CHL1: variants seen among roughly 807,000 people sequenced by gnomAD.
CHL1 encodes the protein cell adhesion molecule L1 like.
Under a neutral mutation model 141.9 loss-of-function variants are expected in CHL1, and 96 were observed. The observed-to-expected ratio is 0.68, with a 90% CI of 0.57 to 0.80. The LOEUF (loss-of-function observed/expected upper bound fraction) is 0.80, where lower values mean the gene tolerates loss of function less well. Among genes scored for constraint, CHL1 ranks in the 30% least tolerant of loss-of-function variants. The pLI is 0.00. For synonymous variants in CHL1, 613 were observed against 502.2 expected, an observed-to-expected ratio of 1.22 and a Z score of -2.95; for missense variants, 1,820 against 1,457.2, an observed-to-expected ratio of 1.25 and a Z score of -4.05.
intron 10 of CHL1, among the ~76,000 whole-genome samples, chr3:352,264 G>C (rs1189749694): frequency 1.3e-5 from 2 of 151,970 alleles, no homozygotes; most frequent in East Asian, 3.8e-4. Flanking sequence ...AACAAGTTTT[G>C]ATTTATTAAA....
At chr3:283,678 A>G (rs187477780) in intron 2 of CHL1, among the ~76,000 whole-genome samples, 2 of 152,190 alleles carry the variant, frequency 1.3e-5, no homozygotes, top group Non-Finnish European at 2.9e-5. Flanking sequence ...GGGCTTGATC[A>G]TTCATTGTGT....
chr3:294,876 T>A (rs1698045257), intron 2 of CHL1, among the ~76,000 whole-genome samples: 1 of 152,238 alleles, frequency 6.6e-6, no homozygotes, highest in Admixed American at 6.5e-5. Context: ...CATTAATTTA[T>A]TCCTTTTATT....
rs1172540504 is a variant in CHL1 at position 342,082 on chromosome 3, T to G, written c.679T>G (p.Leu227Val). Residue 227 changes from leucine to valine, a missense_variant and splice_region_variant, in exon 7 of 28, where the codon TTA becomes GTA. Leu to Val is a conservative substitution (Grantham distance 32). Coordinates refer to ENST00000256509, the MANE Select transcript of CHL1 (RefSeq NM_006614.4). ...KMPMKLTVNS[L>V]KHANDSSSST... ...GCCAATGAAACTAACAGTTAACAGTTGTAAGTCCACATAATTTATCGTTTC... is the reference window on the plus strand; with the variant it reads ...GCCAATGAAACTAACAGTTAACAGTGGTAAGTCCACATAATTTATCGTTTC... 2 of 1,603,548 alleles carry G rather than the reference T, an allele frequency of 1.2e-6. No homozygotes were observed. The highest frequency in any genetic ancestry group is 3.4e-5 in the Admixed American group (2 of 59,626).
intron 2 of CHL1, among the ~76,000 whole-genome samples, chr3:301,134 A>G (rs1208337383): frequency 2.0e-5 from 3 of 152,190 alleles, no homozygotes; most frequent in Non-Finnish European, 2.9e-5. Context: ...CAATACAGAT[A>G]GGAAGTGCTG....
intron 5 of CHL1, among the ~76,000 whole-genome samples, chr3:338,241 T>G (rs1178578693): frequency 2.0e-5 from 3 of 152,212 alleles, no homozygotes; most frequent in Admixed American, 6.5e-5. Context: ...CAAAGTTAAG[T>G]GATTTTTGGT....
Position 389,453 on chromosome 3 carries a change from A to T in CHL1, c.2449A>T (p.Thr817Ser), listed in dbSNP as rs757419929. 1 of 1,614,008 alleles carries T rather than the reference A, an allele frequency of 6.2e-7. No homozygotes were observed. Among genetic ancestry groups the T allele is most frequent in the Non-Finnish European group, 8.5e-7 (1 of 1,179,954 alleles). ...LGSGPDPQSV[T>S]LYSGEDYPDT... The stretch of plus-strand genomic sequence containing the variant: ...ATCTGGGCCTGACCCTCAGTCAGTG[A>T]CTCTCTATTCTGGAGAAGACTGTAA... The change falls in exon 20 of 28, where the codon ACT becomes TCT. Residue 817 changes from threonine to serine, a missense_variant. Physicochemically the swap from Thr to Ser is moderately conservative, Grantham distance 58. Coordinates refer to ENST00000256509, the MANE Select transcript of CHL1 (RefSeq NM_006614.4).
chr3:312,060 T>G (rs1321871606), intron 2 of CHL1, among the ~76,000 whole-genome samples: 5 of 152,196 alleles, frequency 3.3e-5, no homozygotes, highest in Non-Finnish European at 7.4e-5. Context: ...ATACATAAGT[T>G]TTTATATAAC....
chr3:361,071 T>C (rs542641195), intron 12 of CHL1, among the ~76,000 whole-genome samples: 1 of 152,194 alleles, frequency 6.6e-6, no homozygotes, highest in East Asian at 1.9e-4. Context: ...GGTGTCTTTA[T>C]AGCAGCATGA....
At chr3:404,254 G>A (rs1470478982) in intron 27 of CHL1, among the ~76,000 whole-genome samples, 1 of 151,994 alleles carries the variant, frequency 6.6e-6, no homozygotes, top group East Asian at 1.9e-4. Flanking sequence ...ATTCCATGGT[G>A]GCATATAACA....
At chr3:232,959 G>C (rs1278619349) in intron 1 of CHL1, among the ~76,000 whole-genome samples, 3 of 151,282 alleles carry the variant, frequency 2.0e-5, no homozygotes, top group Non-Finnish European at 1.5e-5. Flanking sequence ...TTTAGAGCTG[G>C]ACTCAAACCA....
At chr3:401,536 C>A (rs1709136353) in intron 26 of CHL1, 90 bp from the exon 27 acceptor site, 3 of 740,264 alleles carry the variant, frequency 4.1e-6, no homozygotes, top group African/African-American at 3.6e-5. Context: ...CAATGCTGTT[C>A]TTACTGACTA....
chr3:211,178 A>G (rs1266982089), intron 1 of CHL1, among the ~76,000 whole-genome samples: 2 of 152,212 alleles, frequency 1.3e-5, no homozygotes, highest in East Asian at 1.9e-4. Flanking sequence ...GAGGGAGAGA[A>G]AAGAGCTCCT....
intron 1 of CHL1, among the ~76,000 whole-genome samples, chr3:208,073 C>G (rs950992121): frequency 6.6e-6 from 1 of 152,114 alleles, no homozygotes. Context: ...AAATTGATCT[C>G]CATACACAAG....
At chr3:198,388 T>TTGCGCG (rs967618187) in intron 1 of CHL1, among the ~76,000 whole-genome samples, 1 of 151,870 alleles carries the variant, frequency 6.6e-6, no homozygotes, top group African/African-American at 2.4e-5. Flanking sequence ...GCGGGGAGAT[T>TTGCGCG]TGCGCGTGCG....
chr3:250,012 G>A (rs555910689), intron 2 of CHL1, among the ~76,000 whole-genome samples: 37 of 152,058 alleles, frequency 2.4e-4, no homozygotes, highest in Non-Finnish European at 4.4e-4. Flanking sequence ...TGTCACCCAG[G>A]TTGGAATGTA....
chr3:399,511 CT>C (rs1450275230), intron 26 of CHL1, among the ~76,000 whole-genome samples: 1 of 151,932 alleles, frequency 6.6e-6, no homozygotes, highest in Non-Finnish European at 1.5e-5. Flanking sequence ...ATGGTGGCAG[CT>C]GCCTGTAATC....
At chr3:385,079 G>C (rs971117704) in intron 19 of CHL1, among the ~76,000 whole-genome samples, 1 of 152,122 alleles carries the variant, frequency 6.6e-6, no homozygotes, top group African/African-American at 2.4e-5. Flanking sequence ...TGTGGTTATA[G>C]TTACTACTAC....
At position 391,763 on chromosome 3, in the gene CHL1, A is replaced by C; in HGVS notation, c.2880A>C (p.Gly960=). 1 of 1,599,514 alleles carries C rather than the reference A, an allele frequency of 6.3e-7. No homozygotes were observed. The highest frequency in any genetic ancestry group is 1.1e-5 in the South Asian group (1 of 88,598). Residue 960 remains glycine (G), a synonymous_variant, in exon 23 of 28, where the codon GGA becomes GGC. Coordinates refer to ENST00000256509, the MANE Select transcript of CHL1 (RefSeq NM_006614.4). Reference sequence around the variant, plus strand: ...GGGGACTACCTAAGAAATTAAATGGAAACTTAACTGGCTATCTTTTGCAAT... The same window carrying C: ...GGGGACTACCTAAGAAATTAAATGGCAACTTAACTGGCTATCTTTTGCAAT... ...LSWGLPKKLN[G]NLTGYLLQYQ...
intron 1 of CHL1, among the ~76,000 whole-genome samples, chr3:221,165 T>A (rs1270175564): frequency 2.0e-5 from 3 of 152,220 alleles, no homozygotes; most frequent in Admixed American, 6.5e-5. Flanking sequence ...ATTGATGTCT[T>A]ATTTCTCCTT....
Sources: gnomAD v4.1 joint callset for allele counts (sites outside exome capture counted in the v4.1 genomes callset) on GRCh38, gnomAD v4.1.1 for gene constraint, MANE v1.5 for transcripts, NCBI Gene and HGNC (gene_info 2026-07-23, HGNC 2026-07-21) for gene names.